The following NAV2 variants were observed in gnomAD, a reference collection of about 807,000 sequenced individuals.
NAV2 encodes the protein helicase, APC down-regulated 1.
NAV2 carries 54 observed loss-of-function variants against 223.2 expected under a neutral mutation model. The observed-to-expected ratio is 0.24, with a 90% CI of 0.19 to 0.30. The LOEUF is 0.30. Among genes scored for constraint, NAV2 ranks in the 10% least tolerant of loss-of-function variants. NAV2 has a pLI of 1.00. For missense variants in NAV2, 2,806 were observed against 3,147.5 expected, an observed-to-expected ratio of 0.89 and a Z score of 2.60; for synonymous variants, 1,279 against 1,239.3, an observed-to-expected ratio of 1.03 and a Z score of -0.67.
chr11:19,782,679 C>CA (rs763968982), intron 1 of NAV2, among the ~76,000 whole-genome samples: 280 of 152,202 alleles, frequency 1.8e-3, no homozygotes, highest in South Asian at 6.9e-3. Flanking sequence ...GGCTGGGTGA[C>CA]CCAGGTGCTG....
chr11:19,972,664 C>T (rs866557104), intron 10 of NAV2, among the ~76,000 whole-genome samples: 25 of 152,312 alleles, frequency 1.6e-4, no homozygotes, highest in Middle Eastern at 3.4e-3. Flanking sequence ...CAGACACCTT[C>T]AAGATGCTAT....
chr11:19,371,744 A>C (rs1848476456), intron 1 of NAV2, among the ~76,000 whole-genome samples: 1 of 148,704 alleles, frequency 6.7e-6, no homozygotes, highest in Non-Finnish European at 1.5e-5. Context: ...CTATGCAACT[A>C]TGCCTACCTT....
At chr11:19,931,396 A>T (rs978685485) in intron 6 of NAV2, among the ~76,000 whole-genome samples, 2 of 152,250 alleles carry the variant, frequency 1.3e-5, no homozygotes, top group Admixed American at 1.3e-4. Flanking sequence ...GCTTTGGATC[A>T]CCCTGGAGCT....
At chr11:19,614,918 A>G (rs2046750215) in intron 1 of NAV2, among the ~76,000 whole-genome samples, 1 of 152,042 alleles carries the variant, frequency 6.6e-6, no homozygotes, top group Non-Finnish European at 1.5e-5. Flanking sequence ...TAGCCACCAT[A>G]AACTTTCATT....
At chr11:20,037,381 A>T (rs1475701965) in intron 12 of NAV2, among the ~76,000 whole-genome samples, 1 of 152,146 alleles carries the variant, frequency 6.6e-6, no homozygotes, top group Non-Finnish European at 1.5e-5. Flanking sequence ...AAAAAAAAAA[A>T]AAAGGATGTA....
intron 2 of NAV2, among the ~76,000 whole-genome samples, chr11:19,839,463 TAGC>T (rs2060402295): frequency 2.6e-5 from 4 of 152,328 alleles, no homozygotes; most frequent in African/African-American, 9.6e-5. Context: ...GAAGACCTGA[TAGC>T]AGCTTCTTTT....
At chr11:19,974,940 C>T (rs913168742) in intron 10 of NAV2, among the ~76,000 whole-genome samples, 1 of 152,148 alleles carries the variant, frequency 6.6e-6, no homozygotes, top group Non-Finnish European at 1.5e-5. Flanking sequence ...GAAGCTGAGG[C>T]CTTGGAATAA....
intron 1 of NAV2, among the ~76,000 whole-genome samples, chr11:19,544,776 AG>A (rs1426589000): frequency 6.6e-6 from 1 of 152,214 alleles, no homozygotes; most frequent in Admixed American, 6.5e-5. Flanking sequence ...GGAGCCAGCT[AG>A]GGCTGGAGGT....
chr11:20,092,498 T>G, intron 28 of NAV2, 130 bp downstream of exon 28: 2 of 903,352 alleles, frequency 2.2e-6, no homozygotes, highest in Non-Finnish European at 3.4e-6. Flanking sequence ...GCACTTGGGG[T>G]GTGTATGTGT....
intron 1 of NAV2, among the ~76,000 whole-genome samples, chr11:19,697,593 GA>G (rs934739480): frequency 6.6e-6 from 1 of 151,846 alleles, no homozygotes; most frequent in African/African-American, 2.4e-5. Context: ...GGTGGCAAAA[GA>G]AAAACTAGGG....
rs1020559498 is a variant in NAV2, at chr11:20,047,472, T to C, written c.3903-1256T>C. On this transcript the variant is annotated intron_variant, in intron 14 of 37. Coordinates refer to ENST00000349880, the MANE Select transcript of NAV2 (RefSeq NM_145117.5). ...TTAGACTTTTGTATGTAGTCATGCA[T>C]AGCAGAATGAGGAGCAATATGCAAA... Among the ~76,000 whole-genome samples, 4 of 152,206 alleles carry C rather than the reference T, an allele frequency of 2.6e-5. No homozygotes were observed. In the East Asian group the frequency reaches 7.7e-4, roughly 29 times the overall value.
At chr11:19,901,994 T>C (rs951762998) in intron 6 of NAV2, among the ~76,000 whole-genome samples, 1 of 152,202 alleles carries the variant, frequency 6.6e-6, no homozygotes, top group Non-Finnish European at 1.5e-5. Flanking sequence ...TTGGCTCACC[T>C]TGCCCTAGCT....
Position 19,832,480 on chromosome 11 carries a change from A to G in NAV2, c.268-4A>G. On this transcript the variant is annotated splice_region_variant and splice_polypyrimidine_tract_variant and intron_variant, in intron 1 of 37. Transcript: ENST00000349880. ...CTAAAGTTGCCTGTTTGCTTTTTTT[A>G]CAGATCTACACAGACTGGGCCAATC... 1 of 1,576,386 alleles carries G rather than the reference A, an allele frequency of 6.3e-7. No homozygotes were observed. The highest frequency in any genetic ancestry group is 1.1e-5 in the South Asian group (1 of 89,502).
rs750879764 is a variant in NAV2 at position 20,083,126 on chromosome 11, C to G, written c.5445C>G (p.His1815Gln). 6 of 1,614,070 alleles carry G rather than the reference C, an allele frequency of 3.7e-6. No individual in the cohort carries two copies. The highest frequency in any genetic ancestry group is 3.3e-5 in the Admixed American group (2 of 60,028). The change falls in exon 26 of 38, where the codon CAC becomes CAG. Residue 1815 changes from histidine to glutamine, a missense_variant. His to Gln is a conservative substitution (Grantham distance 24). This residue lies in a region of NAV2 where 824 missense variants were observed against 1,069.4 expected (regional missense o/e 0.77). Coordinates refer to ENST00000349880, the MANE Select transcript of NAV2 (RefSeq NM_145117.5). Reference protein sequence around the residue: ...SSLPSSPKLPHNGSTGSTPLL... With the variant: ...SSLPSSPKLPQNGSTGSTPLL... ...TGCCTTCCTCACCAAAGTTACCGCA[C>G]AATGGGTCCACAGGTTCCACCCCAC...
At chr11:19,430,553 CT>C (rs1190846132) in intron 1 of NAV2, among the ~76,000 whole-genome samples, 1 of 152,248 alleles carries the variant, frequency 6.6e-6, no homozygotes, top group Admixed American at 6.5e-5. Flanking sequence ...ATCACGGCAG[CT>C]TCAGCTCATG....
chr11:19,972,842 G>C (rs1449049236), intron 10 of NAV2, among the ~76,000 whole-genome samples: 1 of 152,162 alleles, frequency 6.6e-6, no homozygotes, highest in Non-Finnish European at 1.5e-5. Flanking sequence ...GCTAGTGCCT[G>C]CCTCTCAGTA....
In NAV2 at chr11:19,842,967, G is replaced by A. The variant is rs1157879581; in HGVS notation, c.438+44G>A. On this transcript the variant is annotated intron_variant, in intron 3 of 37. Transcript: ENST00000349880. ...GTAAATGTTTGAGTTCTGTCAGCAA[G>A]CCCTGCCTCTAAGTGATATTGACCA... is the stretch of plus-strand genomic sequence containing the variant. 5 of 1,537,526 alleles carry A rather than the reference G, an allele frequency of 3.3e-6. 1 individual carries two copies. Among genetic ancestry groups the A allele is most frequent in the Non-Finnish European group, 4.5e-6 (5 of 1,111,878 alleles).
chr11:19,532,950 G>A (rs748501404), intron 1 of NAV2, among the ~76,000 whole-genome samples: 40 of 152,176 alleles, frequency 2.6e-4, no homozygotes, highest in Non-Finnish European at 5.3e-4. Context: ...GTGGACTCTC[G>A]GTTTAGTGCT....
chr11:19,720,968 T>A (rs2050704543), intron 1 of NAV2, among the ~76,000 whole-genome samples: 1 of 152,214 alleles, frequency 6.6e-6, no homozygotes, highest in Admixed American at 6.5e-5. Flanking sequence ...TTAACACAGG[T>A]AATTATTGTG....
Sources: gnomAD v4.1 joint callset for allele counts (sites outside exome capture counted in the v4.1 genomes callset) on GRCh38, gnomAD v4.1.1 for gene constraint, gnomAD v4.1.1 regional missense constraint, MANE v1.5 for transcripts, NCBI Gene and HGNC (gene_info 2026-07-23, HGNC 2026-07-21) for gene names.